The following GSTZ1 variants were observed in gnomAD, a reference collection of about 807,000 sequenced individuals.
GSTZ1 encodes the protein glutathione S-transferase zeta 1.
A neutral mutation model predicts 35.9 loss-of-function variants in GSTZ1; 34 were observed. That is an observed-to-expected ratio of 0.95 (90% CI 0.72 to 1.26). GSTZ1 has a LOEUF of 1.26. Among genes scored for constraint, GSTZ1 ranks in the 50% most tolerant of loss-of-function variants. The probability of loss-of-function intolerance (pLI) is 0.00; values close to 1 mark genes in which losing one functional copy is unlikely to be tolerated. For missense variants in GSTZ1, 263 were observed against 271.7 expected (o/e 0.97, Z 0.23); for synonymous variants, 93 against 101.2 (o/e 0.92, Z 0.49).
At chr14:77,328,192 G>A (rs1419013906) in intron 5 of GSTZ1, 155 bp downstream of exon 5, 2 of 741,354 alleles carry the variant, frequency 2.7e-6, no homozygotes, top group Non-Finnish European at 4.3e-6. Flanking sequence ...AGGGGGTGAA[G>A]ATCGCAATCT....
At position 77,331,490 on chromosome 14, in the gene GSTZ1, A is replaced by T; in HGVS notation, c.*295A>T. 1 of 332,660 alleles carries T rather than the reference A, an allele frequency of 3.0e-6. No individual in the cohort carries two copies. The highest frequency in any genetic ancestry group is 5.6e-6 in the Non-Finnish European group (1 of 178,430). 20.6% of individuals were successfully genotyped at this position (332,660 alleles called of 1,614,324 possible). On this transcript the variant is annotated 3_prime_UTR_variant, in exon 9 of 9. Transcript: ENST00000216465. ...AAATGCCTGGCGTGCTCACCGTAAC[A>T]CCACGGGGAAGGCTGTGTGCCTTTT...
At position 77,324,855 on chromosome 14, in the gene GSTZ1, CCT is replaced by C. The variant is rs766295641; in HGVS notation, c.16-7_16-6del. ...AGCATGGGTTAACACGCGCCTTCAT[CCT>C]CTCTCTCCTCAGCCCATCCTCTATT... On this transcript the variant is annotated splice_polypyrimidine_tract_variant and intron_variant, in intron 1 of 8. Transcript: ENST00000216465. The C allele has an allele frequency of 4.3e-6, 7 of 1,613,488 alleles. No homozygotes were observed. Among genetic ancestry groups the C allele is most frequent in the South Asian group, 1.1e-5 (1 of 91,078 alleles).
At position 77,324,811 on chromosome 14, in the gene GSTZ1, C is replaced by T; in HGVS notation, c.16-59C>T. On this transcript the variant is annotated intron_variant, in intron 1 of 8. Coordinates refer to ENST00000216465, the MANE Select transcript of GSTZ1 (RefSeq NM_145870.3). ...GGACAGGAAGAAATGGTTGACTCCT[C>T]CCAAGCTGGAGCCCACCCAGCATGG... 7 of 1,532,822 alleles carry T rather than the reference C, an allele frequency of 4.6e-6. No homozygotes were observed. The South Asian group carries it at 6.7e-5, about 15-fold the overall frequency. The allele number at this position is 1,532,822 out of a possible 1,614,324, so 95.0% of individuals were successfully genotyped here. A position where few individuals can be genotyped will look rare whatever the true frequency, so the allele number is the denominator to read the frequency against.
intron 4 of GSTZ1, 45 bp downstream of exon 4, chr14:77,327,597 T>C: frequency 8.0e-7 from 1 of 1,255,770 alleles, no homozygotes; most frequent in Non-Finnish European, 1.2e-6. Context: ...AGCAGTGCCC[T>C]GAATGAGAGC....
Position 77,326,920 on chromosome 14 carries a change from C to A in GSTZ1, c.135+15C>A. ...GGGGCCAACAGGTAAGAAGGCTGTGCCCAGACCACAATGTGGGAATTGGAG... is the reference window on the plus strand; with the variant it reads ...GGGGCCAACAGGTAAGAAGGCTGTGACCAGACCACAATGTGGGAATTGGAG... On this transcript the variant is annotated intron_variant, in intron 3 of 8. Transcript: ENST00000216465. 1 of 1,575,228 alleles carries A rather than the reference C, an allele frequency of 6.3e-7. No homozygotes were observed. The highest frequency in any genetic ancestry group is 8.7e-7 in the Non-Finnish European group (1 of 1,149,982).
intron 2 of GSTZ1, chr14:77,325,294 G>C: frequency 3.7e-6 from 1 of 271,300 alleles, no homozygotes; most frequent in Admixed American, 4.5e-5. Context: ...AAAGCAAACA[G>C]AACGGGCCAG....
At chr14:77,327,413 G>A in intron 3 of GSTZ1, 59 bp from the exon 4 acceptor site, 1 of 1,071,692 alleles carries the variant, frequency 9.3e-7, no homozygotes, top group East Asian at 2.4e-5. Context: ...TGCTTGCTTG[G>A]CTTTCCTCTG....
rs150236174 is a variant in GSTZ1 at position 77,324,869 on chromosome 14, G to T, written c.16-1G>T. On this transcript the variant is annotated splice_acceptor_variant, in intron 1 of 8. Transcript: ENST00000216465. LOFTEE classifies it high-confidence loss of function. ...CGCGCCTTCATCCTCTCTCTCCTCA[G>T]CCCATCCTCTATTCCTATTTCCGAA... 4 of 1,613,978 alleles carry T rather than the reference G, an allele frequency of 2.5e-6. No homozygotes were observed. Among genetic ancestry groups the T allele is most frequent in the Non-Finnish European group, 3.4e-6 (4 of 1,179,820 alleles).
chr14:77,331,358 T>C lies in GSTZ1; in HGVS notation c.*163T>C. 2.6e-6 allele frequency: 2 copies of C among 764,274 alleles called. No homozygotes were observed. Among genetic ancestry groups the C allele is most frequent in the Non-Finnish European group, 4.1e-6 (2 of 490,404 alleles). The allele number at this position is 764,274 out of a possible 1,614,324, so 47.3% of individuals were successfully genotyped here. A position where few individuals can be genotyped will look rare whatever the true frequency, so the allele number is the denominator to read the frequency against. ...TGTTCCACCTCAGTCCCCTCATCTG[T>C]CACACGCATGTGGGGTGGAGTAGGG... On this transcript the variant is annotated 3_prime_UTR_variant, in exon 9 of 9. Coordinates refer to ENST00000216465, the MANE Select transcript of GSTZ1 (RefSeq NM_145870.3).
chr14:77,324,781 T>C, intron 1 of GSTZ1, 89 bp from the exon 2 acceptor site: 1 of 1,346,752 alleles, frequency 7.4e-7, no homozygotes, highest in Non-Finnish European at 1.1e-6. Context: ...AGAGGAGGCC[T>C]GGCAGGACAG....
At chr14:77,327,628 C>A in intron 4 of GSTZ1, 76 bp downstream of exon 4, 1 of 995,238 alleles carries the variant, frequency 1.0e-6, no homozygotes, top group Non-Finnish European at 1.6e-6. Context: ...TCTTCCTCGC[C>A]TGTGTACAGT....
rs1892630189 is a variant in GSTZ1 at position 77,331,542 on chromosome 14, C to G, written c.*347C>G. 1 of 211,106 alleles carries G rather than the reference C, an allele frequency of 4.7e-6. No homozygotes were observed. Among genetic ancestry groups the G allele is most frequent in the African/African-American group, 2.3e-5 (1 of 44,220 alleles). 13.1% of individuals were successfully genotyped at this position (211,106 alleles called of 1,614,324 possible). ...TCATCCGCTTTTGTTGTGTGTGACT[C>G]CAAAGAATGCCCGCGCTGAAATTTG... On this transcript the variant is annotated 3_prime_UTR_variant, in exon 9 of 9. Coordinates refer to ENST00000216465, the MANE Select transcript of GSTZ1 (RefSeq NM_145870.3).
chr14:77,327,648 T>C, intron 4 of GSTZ1, 96 bp downstream of exon 4: 1 of 875,558 alleles, frequency 1.1e-6, no homozygotes, highest in African/African-American at 1.7e-5. Context: ...TCAAGGTGCC[T>C]AGCACATAGG....
At chr14:77,322,089 C>T (rs918133022) in intron 1 of GSTZ1, among the ~76,000 whole-genome samples, 1 of 152,096 alleles carries the variant, frequency 6.6e-6, no homozygotes, top group Non-Finnish European at 1.5e-5. Context: ...ACTTTTGTGG[C>T]ACTAAGGAAG....
rs146508001 is a variant in GSTZ1, at chr14:77,328,930, G to A, written c.343-193G>A. The A allele has an allele frequency of 2.2e-3, 1,339 of 602,482 alleles. 15 individuals carry two copies. In the African/African-American group the frequency reaches 0.022, roughly 10 times the overall value. 37.3% of individuals were successfully genotyped at this position (602,482 alleles called of 1,614,324 possible). On this transcript the variant is annotated intron_variant, in intron 5 of 8. Coordinates refer to ENST00000216465, the MANE Select transcript of GSTZ1 (RefSeq NM_145870.3). ...GGCCACTGGGGCAGCCTGCAAAGGTGGCTGCTGGGATGGCTACCTCCCTCC... is the reference window on the plus strand; with the variant it reads ...GGCCACTGGGGCAGCCTGCAAAGGTAGCTGCTGGGATGGCTACCTCCCTCC...
At chr14:77,325,587 G>C (rs1036308365) in intron 2 of GSTZ1, 1 of 152,392 alleles carries the variant, frequency 6.6e-6, no homozygotes, top group Non-Finnish European at 1.5e-5. Flanking sequence ...AGATCTTTCA[G>C]TTACTAAGAG....
At chr14:77,329,726 AATAAG>A in intron 6 of GSTZ1, 24 bp from the exon 7 acceptor site, 1 of 1,596,142 alleles carries the variant, frequency 6.3e-7, no homozygotes, top group East Asian at 2.2e-5. Flanking sequence ...CTGCGCCCAG[AATAAG>A]ATGTTTATGT....
rs1240304678 is a variant in GSTZ1, at chr14:77,326,610, T to TA, written c.68-226dup. Reference sequence around the variant, plus strand: ...GGGGGGGTCCAGATCTTGAGGTCTCTAAGAGTTCAGGGGTGAGTGAGGCAG... The same window carrying TA: ...GGGGGGGTCCAGATCTTGAGGTCTCTAAAGAGTTCAGGGGTGAGTGAGGCAG... On this transcript the variant is annotated intron_variant, in intron 2 of 8. Transcript: ENST00000216465. 13 of 508,134 alleles carry TA rather than the reference T, an allele frequency of 2.6e-5. No homozygotes were observed. The East Asian group carries it at 3.9e-4, about 15-fold the overall frequency. 31.5% of individuals were successfully genotyped at this position (508,134 alleles called of 1,614,324 possible). A position where few individuals can be genotyped will look rare whatever the true frequency, so the allele number is the denominator to read the frequency against.
At chr14:77,321,256 G>A (rs1435233643) in intron 1 of GSTZ1, 73 bp downstream of exon 1, 7 of 1,527,474 alleles carry the variant, frequency 4.6e-6, no homozygotes, top group Non-Finnish European at 4.4e-6. Context: ...GGTCAGAAGT[G>A]AGCTGCACCG....
Sources: gnomAD v4.1 joint callset for allele counts (sites outside exome capture counted in the v4.1 genomes callset) on GRCh38, gnomAD v4.1.1 for gene constraint, MANE v1.5 for transcripts, NCBI Gene and HGNC (gene_info 2026-07-23, HGNC 2026-07-21) for gene names.